The following DLGAP2 variants were observed in gnomAD, a reference collection of about 807,000 sequenced individuals.
DLGAP2 encodes the protein DLG associated protein 2.
DLGAP2 carries 26 observed loss-of-function variants against 100.3 expected under a neutral mutation model. The observed-to-expected ratio is 0.26, with a 90% CI of 0.19 to 0.36. DLGAP2 has a LOEUF of 0.36. DLGAP2 is among the 10% of genes least tolerant of loss of function. The probability of loss-of-function intolerance (pLI) is 1.00; values close to 1 mark genes in which losing one functional copy is unlikely to be tolerated. For missense variants in DLGAP2, 1,858 were observed against 1,453.2 expected, an observed-to-expected ratio of 1.28 and a Z score of -4.53; for synonymous variants, 886 against 630.1, an observed-to-expected ratio of 1.41 and a Z score of -6.08.
intron 3 of DLGAP2, among the ~76,000 whole-genome samples, chr8:1,350,424 C>T (rs1324594955): frequency 1.1e-5 from 1 of 91,230 alleles, no homozygotes; most frequent in South Asian, 5.7e-4. Flanking sequence ...GTGGAAAGGC[C>T]GCGCGGGTCC....
At chr8:1,057,206 C>T (rs186768349) in intron 2 of DLGAP2, among the ~76,000 whole-genome samples, 4 of 152,330 alleles carry the variant, frequency 2.6e-5, no homozygotes, top group African/African-American at 9.6e-5. Context: ...GCATCGGTTA[C>T]TACACGTAGA....
At chr8:1,012,296 A>G (rs1273762313) in intron 2 of DLGAP2, among the ~76,000 whole-genome samples, 1 of 152,132 alleles carries the variant, frequency 6.6e-6, no homozygotes, top group South Asian at 2.1e-4. Context: ...TGTTGCACGG[A>G]TTACAGTTAA....
At chr8:1,579,357 G>C (rs1287941898) in intron 6 of DLGAP2, among the ~76,000 whole-genome samples, 4 of 151,988 alleles carry the variant, frequency 2.6e-5, no homozygotes, top group Non-Finnish European at 5.9e-5. Flanking sequence ...ATATGTATAT[G>C]AGTATTCTGT....
At chr8:1,357,893 A>G (rs539797140) in intron 3 of DLGAP2, among the ~76,000 whole-genome samples, 2 of 152,134 alleles carry the variant, frequency 1.3e-5, no homozygotes, top group Non-Finnish European at 2.9e-5. Context: ...ACCTGCATCT[A>G]ACTGACATGG....
intron 3 of DLGAP2, among the ~76,000 whole-genome samples, chr8:1,344,295 G>T (rs1444776785): frequency 6.6e-6 from 1 of 151,370 alleles, no homozygotes; most frequent in East Asian, 1.9e-4. Context: ...TGGGTGGCTG[G>T]CGGGTCTGTG....
intron 1 of DLGAP2, among the ~76,000 whole-genome samples, chr8:769,805 A>G (rs1821310317): frequency 6.6e-6 from 1 of 152,158 alleles, no homozygotes; most frequent in African/African-American, 2.4e-5. Flanking sequence ...AACAGAAGCC[A>G]CATTGTATGC....
intron 1 of DLGAP2, among the ~76,000 whole-genome samples, chr8:813,986 A>G (rs1796418232): frequency 6.6e-6 from 1 of 152,200 alleles, no homozygotes; most frequent in Admixed American, 6.5e-5. Flanking sequence ...TAAAGGAGAA[A>G]ACATACTGAA....
chr8:1,435,546 T>C (rs1231075166), intron 3 of DLGAP2, among the ~76,000 whole-genome samples: 4 of 152,146 alleles, frequency 2.6e-5, no homozygotes, highest in African/African-American at 4.8e-5. Context: ...GGATGCGCAG[T>C]GCATCTTGTG....
intron 1 of DLGAP2, among the ~76,000 whole-genome samples, chr8:840,596 A>G (rs1585919697): frequency 1.4e-5 from 1 of 72,546 alleles, no homozygotes; most frequent in Non-Finnish European, 3.1e-5. Flanking sequence ...GTCTCCCCAC[A>G]CTCTGGATTC....
chr8:773,056 G>C (rs1347647349), intron 1 of DLGAP2, among the ~76,000 whole-genome samples: 1 of 152,194 alleles, frequency 6.6e-6, no homozygotes, highest in Non-Finnish European at 1.5e-5. Context: ...GGCCATTGCT[G>C]ACAGATCTGT....
intron 1 of DLGAP2, among the ~76,000 whole-genome samples, chr8:744,038 T>A (rs111711351): frequency 6.6e-6 from 1 of 152,252 alleles, no homozygotes; most frequent in African/African-American, 2.4e-5. Flanking sequence ...TGCATCTAAA[T>A]GCCCAGACAC....
chr8:1,511,973 T>G (rs1411366041), intron 4 of DLGAP2, among the ~76,000 whole-genome samples: 2 of 152,264 alleles, frequency 1.3e-5, no homozygotes, highest in Admixed American at 1.3e-4. Flanking sequence ...CACTCGGGTT[T>G]GGTATTGGAT....
chr8:1,657,408 A>G lies in DLGAP2; in HGVS notation c.1811-10921A>G, dbSNP rs143556091. Among the ~76,000 whole-genome samples the G allele has an allele frequency of 4.1e-3, 629 of 152,398 alleles. 1 individual carries two copies. Among genetic ancestry groups the G allele is most frequent in the African/African-American group, 0.015 (606 of 41,598 alleles). Reference sequence around the variant, plus strand: ...ATGCTAGGCGTGCACTCACAGAAACAGAATGAAGACGATTATTATCACCCA... The same window carrying G: ...ATGCTAGGCGTGCACTCACAGAAACGGAATGAAGACGATTATTATCACCCA... On this transcript the variant is annotated intron_variant, in intron 8 of 14. Coordinates refer to ENST00000637795, the MANE Select transcript of DLGAP2 (RefSeq NM_001346810.2).
chr8:1,218,811 T>G (rs531801936), intron 2 of DLGAP2, among the ~76,000 whole-genome samples: 1 of 152,082 alleles, frequency 6.6e-6, no homozygotes, highest in Non-Finnish European at 1.5e-5. Context: ...TCTTTCAGAA[T>G]TTTGTAATTC....
At chr8:1,141,677 T>G (rs1417951584) in intron 2 of DLGAP2, among the ~76,000 whole-genome samples, 2 of 152,116 alleles carry the variant, frequency 1.3e-5, no homozygotes, top group Non-Finnish European at 2.9e-5. Flanking sequence ...GGTTCTAACA[T>G]AGAGGAATGA....
intron 6 of DLGAP2, among the ~76,000 whole-genome samples, chr8:1,594,724 A>C (rs910842818): frequency 1.1e-4 from 16 of 152,136 alleles, no homozygotes; most frequent in African/African-American, 3.9e-4. Flanking sequence ...GCGCCCGGCC[A>C]GGTCACACTC....
At chr8:1,537,567 T>C (rs988471296) in intron 4 of DLGAP2, among the ~76,000 whole-genome samples, 4 of 152,164 alleles carry the variant, frequency 2.6e-5, no homozygotes, top group African/African-American at 9.7e-5. Context: ...TTTCTGCTAT[T>C]AGACTTTGAA....
At position 1,161,918 on chromosome 8, in the gene DLGAP2, G is replaced by A. The variant is rs142413879; in HGVS notation, c.74-96933G>A. ...CGTGGTTCCCACCCTTGGGGCTTTA[G>A]GTATAGAGAGGAGATCCGTGTGCCA... is the stretch of plus-strand genomic sequence containing the variant. On this transcript the variant is annotated intron_variant, in intron 2 of 14. Transcript: ENST00000637795. Among the ~76,000 whole-genome samples the A allele has an allele frequency of 6.7e-3, 1,016 of 152,370 alleles. 9 individuals are homozygous for A. Among genetic ancestry groups the A allele is most frequent in the African/African-American group, 0.023 (964 of 41,594 alleles).
chr8:1,090,163 C>T (rs1563185670), intron 2 of DLGAP2, among the ~76,000 whole-genome samples: 1 of 129,194 alleles, frequency 7.7e-6, no homozygotes, highest in African/African-American at 3.0e-5. Context: ...CCTGGCCAGA[C>T]AGGGGTGGAA....
Sources: allele counts gnomAD v4.1 joint callset (sites outside exome capture counted in the v4.1 genomes callset), GRCh38; gene constraint gnomAD v4.1.1; transcripts MANE v1.5; gene names NCBI Gene and HGNC (gene_info 2026-07-23, HGNC 2026-07-21).